PCDHA1: variants seen among roughly 807,000 people sequenced by gnomAD.
PCDHA1 encodes protocadherin alpha-1.
A neutral mutation model predicts 61.3 loss-of-function variants in PCDHA1; 42 were observed. That is an observed-to-expected ratio of 0.69 (90% confidence interval 0.54 to 0.89). PCDHA1 has a LOEUF of 0.89. Ranked by LOEUF, PCDHA1 falls within the 40% of genes least tolerant of loss-of-function variation. The probability of loss-of-function intolerance (pLI) is 0.00; values close to 1 mark genes in which losing one functional copy is unlikely to be tolerated. For missense variants in PCDHA1, 1,256 were observed against 1,235.3 expected, an observed-to-expected ratio of 1.02 and a Z score of -0.25; for synonymous variants, 610 against 553.8, an observed-to-expected ratio of 1.10 and a Z score of -1.43.
chr5:140,968,295 A>G lies in PCDHA1; in HGVS notation c.2395-10654A>G, dbSNP rs782722853. 4 of 1,613,916 alleles carry G rather than the reference A, an allele frequency of 2.5e-6. No homozygotes were observed. The Admixed American group carries it at 5.0e-5, about 20-fold the overall frequency. ...GCAGAGGTGACCTACTCCCTTCTGG[A>G]GAGGGAGATTCAAGGGCTGCCAGTC... On this transcript the variant is annotated intron_variant, in intron 1 of 3. Coordinates refer to ENST00000504120, the MANE Select transcript of PCDHA1 (RefSeq NM_018900.4).
At chr5:140,788,777 A>G (rs1398226638) in intron 1 of PCDHA1, 93 bp downstream of exon 1, 5 of 1,447,484 alleles carry the variant, frequency 3.5e-6, no homozygotes, top group East Asian at 2.4e-5. Flanking sequence ...AATGTCTTCA[A>G]GGTGTTCACT....
intron 1 of PCDHA1, chr5:140,870,552 G>C: frequency 6.2e-7 from 1 of 1,614,042 alleles, no homozygotes; most frequent in Non-Finnish European, 8.5e-7. Flanking sequence ...ACGCGGACGC[G>C]CAGGAGAACG....
At chr5:140,825,558 G>C (rs1468838002) in intron 1 of PCDHA1, 1 of 151,638 alleles carries the variant, frequency 6.6e-6, no homozygotes, top group Non-Finnish European at 1.5e-5. Context: ...CCAAGTAGCT[G>C]GGATTACAGG....
chr5:140,904,416 A>T (rs930452191), intron 1 of PCDHA1, among the ~76,000 whole-genome samples: 1 of 150,980 alleles, frequency 6.6e-6, no homozygotes, highest in Non-Finnish European at 1.5e-5. Context: ...TATATAATAC[A>T]TATATTTTAT....
chr5:140,875,603 T>C (rs2055641899), intron 1 of PCDHA1: 1 of 1,613,724 alleles, frequency 6.2e-7, no homozygotes, highest in Admixed American at 1.7e-5. Context: ...CACGGCACCT[T>C]CGTGGGCCGC....
intron 3 of PCDHA1, among the ~76,000 whole-genome samples, chr5:141,004,289 CAG>C (rs1383902638): frequency 1.3e-5 from 2 of 152,130 alleles, no homozygotes; most frequent in Non-Finnish European, 2.9e-5. Context: ...GCTGAGCTCT[CAG>C]AGATGTTTGT....
chr5:140,819,827 T>C (rs1029302500), intron 1 of PCDHA1, among the ~76,000 whole-genome samples: 4 of 152,058 alleles, frequency 2.6e-5, no homozygotes, highest in Admixed American at 6.5e-5. Context: ...TGAACTGATA[T>C]TGTTGATGAC....
chr5:140,946,327 G>C (rs2093929992), intron 1 of PCDHA1, among the ~76,000 whole-genome samples: 2 of 151,720 alleles, frequency 1.3e-5, no homozygotes, highest in Non-Finnish European at 3.0e-5. Flanking sequence ...AAAGAGGAAA[G>C]ATAACAAGTG....
chr5:140,839,240 T>C (rs2150295728), intron 1 of PCDHA1, among the ~76,000 whole-genome samples: 1 of 152,152 alleles, frequency 6.6e-6, no homozygotes, highest in African/African-American at 2.4e-5. Context: ...TTTTATTGCT[T>C]TGCTTTTATG....
rs2150347261 is a variant in PCDHA1, at chr5:140,842,884, G to A, written c.2394+54200G>A. ...AGAGCGGCAAGGTGTACGCGCTGCA[G>A]CCGCTGGACCACGAGGAGCTAGAGC... On this transcript the variant is annotated intron_variant, in intron 1 of 3. Transcript: ENST00000504120. 17 of 1,594,074 alleles carry A rather than the reference G, an allele frequency of 1.1e-5. 3 individuals are homozygous for A. The African/African-American group carries it at 1.8e-4, about 16-fold the overall frequency.
At chr5:140,869,799 C>T (rs781959839) in intron 1 of PCDHA1, 1 of 1,612,706 alleles carries the variant, frequency 6.2e-7, no homozygotes, top group Non-Finnish European at 8.5e-7. Flanking sequence ...TAGTCCAAGT[C>T]TTGGATGTCA....
intron 1 of PCDHA1, among the ~76,000 whole-genome samples, chr5:140,939,849 G>A (rs1554212970): frequency 6.6e-6 from 1 of 152,134 alleles, no homozygotes; most frequent in Non-Finnish European, 1.5e-5. Context: ...GTTGTGTTCT[G>A]TATATGTCCA....
chr5:140,849,872 G>C, intron 1 of PCDHA1: 1 of 1,598,650 alleles, frequency 6.3e-7, no homozygotes, highest in Non-Finnish European at 8.6e-7. Flanking sequence ...CGCAGTCCGA[G>C]TACACGGTGT....
intron 1 of PCDHA1, among the ~76,000 whole-genome samples, chr5:140,964,199 A>G (rs1183847716): frequency 1.3e-5 from 2 of 152,240 alleles, no homozygotes; most frequent in Non-Finnish European, 2.9e-5. Flanking sequence ...AGAGTATACC[A>G]TCTCTTTAGT....
At chr5:140,856,096 GCTT>G (rs782403061) in intron 1 of PCDHA1, 1 of 1,597,460 alleles carries the variant, frequency 6.3e-7, no homozygotes, top group South Asian at 1.1e-5. Flanking sequence ...TGCTGCTCTC[GCTT>G]CTTCTCCTCG....
At chr5:140,802,620 T>C (rs1554122250) in intron 1 of PCDHA1, 1 of 1,613,936 alleles carries the variant, frequency 6.2e-7, no homozygotes, top group South Asian at 1.1e-5. Context: ...CTGCCACATC[T>C]TCACGGTGTC....
intron 1 of PCDHA1, chr5:140,927,331 A>T: frequency 6.2e-7 from 1 of 1,614,134 alleles, no homozygotes; most frequent in Non-Finnish European, 8.5e-7. Flanking sequence ...TACTCTCCCG[A>T]ATGCCCAAGA....
In PCDHA1 at chr5:140,945,883, GAA is replaced by G. The variant is rs2093856247; in HGVS notation, c.2395-33063_2395-33062del. On this transcript the variant is annotated intron_variant, in intron 1 of 3. Transcript: ENST00000504120. ...GACCTGAAATTGTAAAACTAACAAA[GAA>G]AACACAGTGGGAAAGATGAAAGATC... Among the ~76,000 whole-genome samples the G allele has an allele frequency of 2.6e-5, 4 of 152,104 alleles. No homozygotes were observed. The South Asian group carries it at 8.3e-4, about 32-fold the overall frequency.
At chr5:140,850,197 C>T (rs2150472731) in intron 1 of PCDHA1, 3 of 1,593,590 alleles carry the variant, frequency 1.9e-6, no homozygotes, top group Admixed American at 1.7e-5. Flanking sequence ...GCTGCTGACA[C>T]CTCGGATGAG....
Sources: allele counts gnomAD v4.1 joint callset (sites outside exome capture counted in the v4.1 genomes callset), GRCh38; gene constraint gnomAD v4.1.1; transcripts MANE v1.5; gene names NCBI Gene and HGNC (gene_info 2026-07-23, HGNC 2026-07-21).